The following PCSK2 variants were observed in gnomAD, a reference collection of about 807,000 sequenced individuals.
PCSK2 encodes neuroendocrine convertase 2.
PCSK2 carries 14 observed loss-of-function variants against 69.7 expected under a neutral mutation model. The observed-to-expected ratio is 0.20, with a 90% confidence interval of 0.13 to 0.31. PCSK2 has a LOEUF of 0.31. Ranked by LOEUF, PCSK2 falls within the 10% of genes least tolerant of loss-of-function variation. The pLI, the probability that PCSK2 is intolerant of heterozygous loss-of-function variation, is 1.00. For synonymous variants in PCSK2, 307 were observed against 320.7 expected (o/e 0.96, Z 0.46); for missense variants, 544 against 842.5 (o/e 0.65, Z 4.39).
At chr20:17,329,778 G>A (rs926981258) in intron 2 of PCSK2, among the ~76,000 whole-genome samples, 3 of 152,170 alleles carry the variant, frequency 2.0e-5, no homozygotes, top group African/African-American at 4.8e-5. Context: ...AGTCACAGAA[G>A]ATAATCTGTT....
chr20:17,296,724 T>C (rs1384308928), intron 2 of PCSK2, among the ~76,000 whole-genome samples: 1 of 152,212 alleles, frequency 6.6e-6, no homozygotes, highest in Non-Finnish European at 1.5e-5. Flanking sequence ...TTATCATAAT[T>C]TTTTATCAGA....
At chr20:17,402,951 C>T (rs899204660) in intron 5 of PCSK2, among the ~76,000 whole-genome samples, 3 of 150,912 alleles carry the variant, frequency 2.0e-5, no homozygotes, top group South Asian at 2.1e-4. Context: ...AGCGAGACTC[C>T]GTCTCAAAAA....
chr20:17,341,009 G>A (rs1472806660), intron 2 of PCSK2, among the ~76,000 whole-genome samples: 1 of 152,146 alleles, frequency 6.6e-6, no homozygotes, highest in Non-Finnish European at 1.5e-5. Flanking sequence ...CAGCACTTTG[G>A]GAGACTGAGG....
intron 2 of PCSK2, among the ~76,000 whole-genome samples, chr20:17,274,122 T>C (rs1987968291): frequency 6.6e-6 from 1 of 152,174 alleles, no homozygotes; most frequent in Admixed American, 6.6e-5. Flanking sequence ...GTATTTTTTA[T>C]TCAAAACAAC....
intron 2 of PCSK2, among the ~76,000 whole-genome samples, chr20:17,342,228 A>G (rs1990530013): frequency 6.6e-6 from 1 of 152,222 alleles, no homozygotes; most frequent in Non-Finnish European, 1.5e-5. Context: ...ACATTCCAAG[A>G]AACATTGTTG....
At chr20:17,426,884 C>T (rs1302731374) in intron 6 of PCSK2, among the ~76,000 whole-genome samples, 1 of 152,242 alleles carries the variant, frequency 6.6e-6, no homozygotes, top group East Asian at 1.9e-4. Context: ...ACCCTTGCAG[C>T]AACACCTAGA....
At chr20:17,385,883 C>T (rs781584234) in intron 5 of PCSK2, among the ~76,000 whole-genome samples, 1 of 152,198 alleles carries the variant, frequency 6.6e-6, no homozygotes, top group Non-Finnish European at 1.5e-5. Flanking sequence ...AACACACCAA[C>T]TCTTATCCAT....
intron 2 of PCSK2, among the ~76,000 whole-genome samples, chr20:17,287,895 C>T (rs1009307863): frequency 4.6e-5 from 7 of 152,172 alleles, no homozygotes; most frequent in Non-Finnish European, 7.3e-5. Flanking sequence ...GGCCTCGTTG[C>T]CCTTGCCTAA....
At chr20:17,278,875 T>G (rs976183832) in intron 2 of PCSK2, among the ~76,000 whole-genome samples, 6 of 151,844 alleles carry the variant, frequency 4.0e-5, no homozygotes, top group Non-Finnish European at 7.4e-5. Flanking sequence ...TTGCTCACTT[T>G]CCTATCTCCT....
chr20:17,226,857 G>A (rs1481504898), upstream of PCSK2: 2 of 138,546 alleles, frequency 1.4e-5, no homozygotes, highest in African/African-American at 2.6e-5. Flanking sequence ...GGGCCGGGCC[G>A]GGCCGGGGGT....
At chr20:17,392,436 T>C (rs935006071) in intron 5 of PCSK2, among the ~76,000 whole-genome samples, 1 of 152,230 alleles carries the variant, frequency 6.6e-6, no homozygotes, top group African/African-American at 2.4e-5. Context: ...AAAATTACTC[T>C]AGTCCAATAG....
At chr20:17,281,947 T>C (rs1988331736) in intron 2 of PCSK2, among the ~76,000 whole-genome samples, 1 of 152,104 alleles carries the variant, frequency 6.6e-6, no homozygotes, top group African/African-American at 2.4e-5. Context: ...CTGTTGCCCT[T>C]AGGTACCTCC....
At chr20:17,470,428 G>A (rs763123528) in intron 11 of PCSK2, among the ~76,000 whole-genome samples, 10 of 152,276 alleles carry the variant, frequency 6.6e-5, no homozygotes, top group Non-Finnish European at 1.2e-4. Context: ...TGTGCAAACC[G>A]AATGGGAAGT....
chr20:17,311,926 G>C (rs1989528195), intron 2 of PCSK2, among the ~76,000 whole-genome samples: 1 of 152,154 alleles, frequency 6.6e-6, no homozygotes, highest in Non-Finnish European at 1.5e-5. Flanking sequence ...TGTAGGGATA[G>C]TATTTCTCTC....
chr20:17,312,297 A>G (rs567879455), intron 2 of PCSK2, among the ~76,000 whole-genome samples: 1 of 152,146 alleles, frequency 6.6e-6, no homozygotes, highest in African/African-American at 2.4e-5. Context: ...GGGACTTCTG[A>G]TTCCTTGTAA....
At chr20:17,468,547 C>G (rs1015733279) in intron 11 of PCSK2, among the ~76,000 whole-genome samples, 2 of 151,336 alleles carry the variant, frequency 1.3e-5, no homozygotes, top group Admixed American at 6.6e-5. Context: ...CATAGGTCAG[C>G]ATCCTCCCAC....
intron 6 of PCSK2, among the ~76,000 whole-genome samples, chr20:17,428,406 ATGTG>A (rs3076116): frequency 6.6e-6 from 1 of 151,056 alleles, no homozygotes; most frequent in South Asian, 2.1e-4. Flanking sequence ...GAGAAAGAAA[ATGTG>A]TGTGTGTGTG....
intron 2 of PCSK2, among the ~76,000 whole-genome samples, chr20:17,297,898 T>C (rs530943418): frequency 6.6e-6 from 1 of 152,358 alleles, no homozygotes; most frequent in Admixed American, 6.5e-5. Flanking sequence ...GCATTTTGAT[T>C]TAAGCTAAAA....
At chr20:17,277,993 A>G (rs1988156332) in intron 2 of PCSK2, among the ~76,000 whole-genome samples, 1 of 152,174 alleles carries the variant, frequency 6.6e-6, no homozygotes, top group Non-Finnish European at 1.5e-5. Context: ...TGGCCATCAG[A>G]GAAATGCAAA....
Sources: allele counts gnomAD v4.1 joint callset (sites outside exome capture counted in the v4.1 genomes callset), GRCh38; gene constraint gnomAD v4.1.1; transcripts MANE v1.5; gene names NCBI Gene and HGNC (gene_info 2026-07-23, HGNC 2026-07-21).